Variants in UVRAG observed in about 807,000 individuals in gnomAD.
UVRAG encodes the protein UV radiation resistance-associated gene protein.
A neutral mutation model predicts 78.0 loss-of-function variants in UVRAG; 19 were observed. That is an observed-to-expected ratio of 0.24 (90% CI 0.17 to 0.36). UVRAG has a LOEUF of 0.36. Ranked by LOEUF, UVRAG falls within the 10% of genes least tolerant of loss-of-function variation. The probability of loss-of-function intolerance (pLI) is 1.00; values close to 1 mark genes in which losing one functional copy is unlikely to be tolerated. For synonymous variants in UVRAG, 323 were observed against 324.6 expected, an observed-to-expected ratio of 1.00 and a Z score of 0.05; for missense variants, 740 against 853.8, an observed-to-expected ratio of 0.87 and a Z score of 1.66.
intron 8 of UVRAG, 171 bp downstream of exon 8, chr11:75,983,684 A>G: frequency 3.3e-6 from 3 of 907,214 alleles, no homozygotes; most frequent in East Asian, 2.9e-5. Context: ...CTGAGCTGCC[A>G]TCATAGAGTA....
chr11:75,844,391 T>C (rs913080323), intron 1 of UVRAG, among the ~76,000 whole-genome samples: 2 of 151,970 alleles, frequency 1.3e-5, no homozygotes, highest in Non-Finnish European at 2.9e-5. Flanking sequence ...CACGCCTGGC[T>C]AATTTTTTGT....
rs1325048916 is a variant in UVRAG at position 76,041,143 on chromosome 11, G to A, written c.1226+24163G>A. Among the ~76,000 whole-genome samples, 4 of 152,126 alleles carry A rather than the reference G, an allele frequency of 2.6e-5. No individual in the cohort carries two copies. The South Asian group carries it at 8.3e-4, about 32-fold the overall frequency. On this transcript the variant is annotated intron_variant, in intron 12 of 14. Transcript: ENST00000356136. ...CACTCAATTAAAAAATTATCAAAGG[G>A]TATTGTATCAATCATGTTTCAGTCA...
At chr11:75,894,265 A>G (rs1947290041) in intron 5 of UVRAG, among the ~76,000 whole-genome samples, 9 of 152,152 alleles carry the variant, frequency 5.9e-5, no homozygotes, top group Admixed American at 5.9e-4. Flanking sequence ...AGTGAGGGTA[A>G]AAGTTTCAAA....
chr11:75,986,210 T>TA (rs1949498805), intron 8 of UVRAG, among the ~76,000 whole-genome samples: 1 of 152,180 alleles, frequency 6.6e-6, no homozygotes, highest in Admixed American at 6.5e-5. Context: ...TGCCTTTGTT[T>TA]ATTAGATCTT....
At chr11:76,076,011 G>A (rs2134400901) in intron 13 of UVRAG, among the ~76,000 whole-genome samples, 1 of 152,270 alleles carries the variant, frequency 6.6e-6, no homozygotes, top group East Asian at 1.9e-4. Flanking sequence ...AGACTTTTGG[G>A]ATGTTTCCAT....
Position 75,861,161 on chromosome 11 carries a change from C to T in UVRAG, c.236-585C>T, listed in dbSNP as rs559443935. Reference sequence around the variant, plus strand: ...TGAAATTTTAATGCTTACCAAGGACCTTCAATTATCTGTTCAATTCTCTAA... The same window carrying T: ...TGAAATTTTAATGCTTACCAAGGACTTTCAATTATCTGTTCAATTCTCTAA... On this transcript the variant is annotated intron_variant, in intron 2 of 14. Transcript: ENST00000356136. 6.6e-5 allele frequency among the ~76,000 whole-genome samples: 10 copies of T among 152,252 alleles called. No homozygotes were observed. The South Asian group carries it at 1.7e-3, about 25-fold the overall frequency.
At chr11:75,846,227 T>C (rs1565342707) in intron 1 of UVRAG, among the ~76,000 whole-genome samples, 2 of 152,184 alleles carry the variant, frequency 1.3e-5, no homozygotes, top group African/African-American at 4.8e-5. Context: ...GGATTTCCAA[T>C]AGGCTAAAAG....
chr11:76,034,563 G>C (rs145919417), intron 12 of UVRAG, among the ~76,000 whole-genome samples: 187 of 152,142 alleles, frequency 1.2e-3, no homozygotes, highest in Middle Eastern at 3.4e-3. Context: ...ATGTTTCTCT[G>C]TACCTAGCTT....
intron 3 of UVRAG, among the ~76,000 whole-genome samples, chr11:75,877,656 G>A (rs575440118): frequency 0.062 from 7,613 of 122,888 alleles, 1,005 homozygotes; most frequent in African/African-American, 0.24. Context: ...CCAGGCAGAG[G>A]GGCTCCTCAC....
chr11:75,875,381 C>CTTGG (rs1359024027), intron 3 of UVRAG, among the ~76,000 whole-genome samples: 1 of 150,036 alleles, frequency 6.7e-6, no homozygotes, highest in Non-Finnish European at 1.5e-5. Context: ...GGGTGGATTT[C>CTTGG]TTGGTTGTCA....
chr11:76,094,039 AC>A (rs1296876139), intron 13 of UVRAG, among the ~76,000 whole-genome samples: 1 of 152,164 alleles, frequency 6.6e-6, no homozygotes, highest in African/African-American at 2.4e-5. Context: ...CCCCATCAAT[AC>A]CTAATTTATT....
intron 9 of UVRAG, among the ~76,000 whole-genome samples, chr11:76,006,686 AGAG>A (rs375179851): frequency 1.5e-4 from 21 of 140,248 alleles, no homozygotes; most frequent in Non-Finnish European, 2.8e-4. Context: ...AAAAAAAAAA[AGAG>A]AGAGAGAAGG....
chr11:75,907,130 T>C (rs192100858), intron 5 of UVRAG, among the ~76,000 whole-genome samples: 3 of 152,342 alleles, frequency 2.0e-5, no homozygotes, highest in Non-Finnish European at 2.9e-5. Flanking sequence ...GTTGATAATA[T>C]TAAGTCTTTA....
At chr11:75,848,833 A>C (rs534531991) in intron 1 of UVRAG, among the ~76,000 whole-genome samples, 60 of 152,258 alleles carry the variant, frequency 3.9e-4, no homozygotes, top group African/African-American at 1.4e-3. Flanking sequence ...CCTTCTTTTG[A>C]GATATCTCCT....
At chr11:75,887,668 C>T (rs1359156878) in intron 4 of UVRAG, among the ~76,000 whole-genome samples, 2 of 151,170 alleles carry the variant, frequency 1.3e-5, no homozygotes, top group Non-Finnish European at 2.9e-5. Flanking sequence ...AGGATGGTCT[C>T]GATCTCCTGA....
rs1950825508 is a variant in UVRAG at position 76,049,679 on chromosome 11, C to A, written c.1227-16031C>A. On this transcript the variant is annotated intron_variant, in intron 12 of 14. Coordinates refer to ENST00000356136, the MANE Select transcript of UVRAG (RefSeq NM_003369.4). ...CACTTCTACTTCACCCATACATTCACCCCTCCCTCCATTCCACAAATAAAT... is the reference window on the plus strand; with the variant it reads ...CACTTCTACTTCACCCATACATTCAACCCTCCCTCCATTCCACAAATAAAT... 2.0e-5 allele frequency among the ~76,000 whole-genome samples: 3 copies of A among 152,224 alleles called. No individual in the cohort carries two copies. In the South Asian group the frequency reaches 6.2e-4, roughly 32 times the overall value.
In UVRAG at chr11:76,067,577, C is replaced by T. The variant is rs148746173; in HGVS notation, c.1305+1789C>T. Among the ~76,000 whole-genome samples the T allele has an allele frequency of 4.0e-3, 614 of 152,036 alleles. 5 individuals carry two copies. The highest frequency in any genetic ancestry group is 7.5e-3 in the South Asian group (36 of 4,810). On this transcript the variant is annotated intron_variant, in intron 13 of 14. Transcript: ENST00000356136. Reference sequence around the variant, plus strand: ...TTGGAGACCAGCCTGGGCAACATGGCAAAACCCCATCTCTACTAAAAAATA... The same window carrying T: ...TTGGAGACCAGCCTGGGCAACATGGTAAAACCCCATCTCTACTAAAAAATA...
At chr11:76,103,500 A>G (rs1951914821) in intron 13 of UVRAG, among the ~76,000 whole-genome samples, 1 of 151,254 alleles carries the variant, frequency 6.6e-6, no homozygotes, top group African/African-American at 2.4e-5. Context: ...GAAAACTGTG[A>G]GGAACAGTGT....
At chr11:76,079,512 G>A (rs991215377) in intron 13 of UVRAG, among the ~76,000 whole-genome samples, 1 of 151,962 alleles carries the variant, frequency 6.6e-6, no homozygotes, top group African/African-American at 2.4e-5. Flanking sequence ...AGATTAAGAT[G>A]AAATGTACAA....
Sources: allele counts gnomAD v4.1 joint callset (sites outside exome capture counted in the v4.1 genomes callset), GRCh38; gene constraint gnomAD v4.1.1; transcripts MANE v1.5; gene names NCBI Gene and HGNC (gene_info 2026-07-23, HGNC 2026-07-21).